The following AKAP13 variants were observed in gnomAD, a reference collection of about 807,000 sequenced individuals.
The protein encoded by AKAP13 is A-kinase anchor protein 13.
A neutral mutation model predicts 264.5 loss-of-function variants in AKAP13; 80 were observed. The observed-to-expected ratio is 0.30, with a 90% CI of 0.25 to 0.36. The LOEUF is 0.36. Ranked by LOEUF, AKAP13 falls within the 10% of genes least tolerant of loss-of-function variation. AKAP13 has a pLI of 1.00. For synonymous variants in AKAP13, 1,380 were observed against 1,250.2 expected (o/e 1.10, Z -2.19); for missense variants, 3,712 against 3,435.2 (o/e 1.08, Z -2.01).
intron 23 of AKAP13, among the ~76,000 whole-genome samples, chr15:85,719,991 G>A (rs188092047): frequency 6.6e-6 from 1 of 152,010 alleles, no homozygotes; most frequent in Admixed American, 6.5e-5. Context: ...CCAACAGTTC[G>A]GGAGGCTGAG....
rs77308143 is a variant in AKAP13 at position 85,583,325 on chromosome 15, T to A, written c.4039+1218T>A. 2.3e-3 allele frequency among the ~76,000 whole-genome samples: 358 copies of A among 152,346 alleles called. 4 individuals are homozygous for A. Among genetic ancestry groups the A allele is most frequent in the African/African-American group, 8.2e-3 (340 of 41,572 alleles). On this transcript the variant is annotated intron_variant, in intron 7 of 36. Coordinates refer to ENST00000394518, the MANE Select transcript of AKAP13 (RefSeq NM_007200.5). ...TGCTTTGGAAGAAGCGCAATTTAAA[T>A]ACAGTGGTTATTTTCCCTGGTAAAG...
chr15:85,581,138 C>A lies in AKAP13; in HGVS notation c.3070C>A (p.Leu1024Met). 1.2e-6 allele frequency: 2 copies of A among 1,614,024 alleles called. No homozygotes were observed. The highest frequency in any genetic ancestry group is 1.7e-6 in the Non-Finnish European group (2 of 1,179,942). Residue 1024 changes from leucine to methionine, a missense_variant, in exon 7 of 37, where the codon CTG (leucine) becomes ATG (methionine). Physicochemically the swap from Leu to Met is conservative, Grantham distance 15. Coordinates refer to ENST00000394518, the MANE Select transcript of AKAP13 (RefSeq NM_007200.5). ...GAGCCTGGTGCCACCAGGAGCAAGT[C>A]TGGCCACAGAGTCAAGGCAGGAAGC... ...AQSLVPPGASLATESRQEALG... is the reference protein window; with the variant it reads ...AQSLVPPGASMATESRQEALG...
At chr15:85,666,282 A>G (rs1013818161) in intron 13 of AKAP13, among the ~76,000 whole-genome samples, 1 of 151,924 alleles carries the variant, frequency 6.6e-6, no homozygotes, top group Non-Finnish European at 1.5e-5. Flanking sequence ...GCCAGTGATG[A>G]TGAGCATTTT....
intron 35 of AKAP13, among the ~76,000 whole-genome samples, chr15:85,742,434 C>G (rs2151789158): frequency 6.6e-6 from 1 of 152,310 alleles, no homozygotes; most frequent in South Asian, 2.1e-4. Context: ...GCTGGAAGAA[C>G]CCATGTGGCA....
At chr15:85,666,847 A>G (rs902767172) in intron 13 of AKAP13, among the ~76,000 whole-genome samples, 2 of 152,190 alleles carry the variant, frequency 1.3e-5, no homozygotes, top group African/African-American at 4.8e-5. Context: ...CATCTTCTGG[A>G]TGTCCTCATT....
In AKAP13 at chr15:85,555,149, G is replaced by A. The variant is rs557727019; in HGVS notation, c.662+11194G>A. Among the ~76,000 whole-genome samples, 5 of 152,038 alleles carry A rather than the reference G, an allele frequency of 3.3e-5. No individual in the cohort carries two copies. In the East Asian group the frequency reaches 7.7e-4, roughly 23 times the overall value. ...ACTAGCCTAGCAGCGAGTTCCCTAC[G>A]GATAGCTAAAATACATCATTTTGAG... On this transcript the variant is annotated intron_variant, in intron 5 of 36. Coordinates refer to ENST00000394518, the MANE Select transcript of AKAP13 (RefSeq NM_007200.5).
At chr15:85,531,248 T>G (rs2077232880) in intron 3 of AKAP13, among the ~76,000 whole-genome samples, 1 of 152,230 alleles carries the variant, frequency 6.6e-6, no homozygotes, top group African/African-American at 2.4e-5. Flanking sequence ...CAGATTGCAC[T>G]GTATTTAGAT....
intron 1 of AKAP13, among the ~76,000 whole-genome samples, chr15:85,407,968 A>C (rs184723129): frequency 2.0e-5 from 3 of 151,648 alleles, no homozygotes; most frequent in Non-Finnish European, 4.4e-5. Flanking sequence ...CAGCAGATCT[A>C]ATGGACATTT....
chr15:85,744,964 G>T lies in AKAP13; in HGVS notation c.*287G>T. 3.0e-6 allele frequency: 1 copy of T among 333,672 alleles called. No homozygotes were observed. The highest frequency in any genetic ancestry group is 5.5e-6 in the Non-Finnish European group (1 of 182,900). The allele number at this position is 333,672 out of a possible 1,614,324, so 20.7% of individuals were successfully genotyped here. On this transcript the variant is annotated 3_prime_UTR_variant, in exon 37 of 37. Coordinates refer to ENST00000394518, the MANE Select transcript of AKAP13 (RefSeq NM_007200.5). ...GAAAGTAATGGCCTCGTAAGTACAG[G>T]TGATGGTTTTGGACACGTCAGGAAT...
intron 10 of AKAP13, among the ~76,000 whole-genome samples, chr15:85,652,197 T>C (rs1596908878): frequency 1.3e-5 from 2 of 152,354 alleles, no homozygotes; most frequent in Admixed American, 6.5e-5. Context: ...AAAATGTGTA[T>C]AAACAGGCCA....
chr15:85,522,196 A>G (rs915894770), intron 3 of AKAP13, among the ~76,000 whole-genome samples: 2 of 152,162 alleles, frequency 1.3e-5, no homozygotes, highest in East Asian at 3.9e-4. Context: ...ATAATCGATC[A>G]GTCCGTGACT....
intron 19 of AKAP13, among the ~76,000 whole-genome samples, chr15:85,712,653 C>T (rs576689800): frequency 1.3e-4 from 20 of 152,176 alleles, no homozygotes; most frequent in Non-Finnish European, 2.4e-4. Flanking sequence ...AAGCAGTTCT[C>T]CTGCCTCAGC....
chr15:85,652,160 A>G (rs2082887015), intron 10 of AKAP13, among the ~76,000 whole-genome samples: 1 of 152,250 alleles, frequency 6.6e-6, no homozygotes, highest in African/African-American at 2.4e-5. Context: ...TGTTGAGAAT[A>G]TATTCTAGAC....
chr15:85,673,941 T>G (rs983953135), intron 14 of AKAP13, among the ~76,000 whole-genome samples: 1 of 151,912 alleles, frequency 6.6e-6, no homozygotes, highest in Non-Finnish European at 1.5e-5. Flanking sequence ...TCTGCCCACC[T>G]CGGCCTCCCA....
chr15:85,518,141 AATTTATT>A (rs2076677231), intron 2 of AKAP13, among the ~76,000 whole-genome samples: 1 of 152,232 alleles, frequency 6.6e-6, no homozygotes, highest in African/African-American at 2.4e-5. Context: ...ACAGCAGAAT[AATTTATT>A]AATACCAGGG....
intron 1 of AKAP13, among the ~76,000 whole-genome samples, chr15:85,478,158 A>G (rs1013907275): frequency 6.6e-6 from 1 of 152,246 alleles, no homozygotes; most frequent in Non-Finnish European, 1.5e-5. Flanking sequence ...CCTTTACTAA[A>G]GTGGTAGGAA....
intron 14 of AKAP13, among the ~76,000 whole-genome samples, chr15:85,671,888 C>G (rs180921597): frequency 6.6e-6 from 1 of 152,266 alleles, no homozygotes; most frequent in Admixed American, 6.5e-5. Flanking sequence ...CAGAATGTGT[C>G]CCATAGAGAG....
rs1384534658 is a variant in AKAP13, at chr15:85,469,071, C to T, written c.-11-16639C>T. ...CTTGGACTACAGGCGTGCACCACCA[C>T]GCCCAGCTAATTTTTGTATTATTAG... On this transcript the variant is annotated intron_variant, in intron 1 of 36. Coordinates refer to ENST00000394518, the MANE Select transcript of AKAP13 (RefSeq NM_007200.5). Among the ~76,000 whole-genome samples the T allele has an allele frequency of 6.5e-5, 9 of 137,802 alleles. No homozygotes were observed. In the South Asian group the frequency reaches 6.6e-4, roughly 10 times the overall value. The allele number at this position is 137,802 out of a possible 152,430, so 90.4% of individuals were successfully genotyped here. A position where few individuals can be genotyped will look rare whatever the true frequency, so the allele number is the denominator to read the frequency against.
chr15:85,517,952 T>C (rs2076669355), intron 2 of AKAP13, among the ~76,000 whole-genome samples: 1 of 152,182 alleles, frequency 6.6e-6, no homozygotes, highest in Admixed American at 6.5e-5. Context: ...AGGGTGGTGA[T>C]GTAGGTGTGT....
Sources: allele counts gnomAD v4.1 joint callset (sites outside exome capture counted in the v4.1 genomes callset), GRCh38; gene constraint gnomAD v4.1.1; transcripts MANE v1.5; gene names NCBI Gene and HGNC (gene_info 2026-07-23, HGNC 2026-07-21).